The following ANO1 variants were observed in gnomAD, a reference collection of about 807,000 sequenced individuals.
The protein encoded by ANO1 is anoctamin-1.
A neutral mutation model predicts 124.0 loss-of-function variants in ANO1; 59 were observed. The ratio of observed to expected loss-of-function variants is 0.48; its 90% confidence interval spans 0.39 to 0.59. ANO1 has a LOEUF of 0.59. Among genes scored for constraint, ANO1 ranks in the 20% least tolerant of loss-of-function variants. The pLI, the probability that ANO1 is intolerant of heterozygous loss-of-function variation, is 0.00. For missense variants in ANO1, 1,059 were observed against 1,328.0 expected, an observed-to-expected ratio of 0.80 and a Z score of 3.15; for synonymous variants, 529 against 532.0, an observed-to-expected ratio of 0.99 and a Z score of 0.08.
intron 1 of ANO1, among the ~76,000 whole-genome samples, chr11:70,002,332 C>A (rs1856396961): frequency 6.6e-6 from 1 of 151,806 alleles, no homozygotes; most frequent in Admixed American, 6.6e-5. Flanking sequence ...GGCATGGTGG[C>A]ATGTGCCTGT....
intron 13 of ANO1, 45 bp from the exon 14 acceptor site, chr11:70,153,012 C>T (rs2047665288): frequency 1.3e-6 from 2 of 1,546,630 alleles, no homozygotes; most frequent in Non-Finnish European, 1.8e-6. Flanking sequence ...GGAGCTCAGA[C>T]TCAAAATTAA....
At chr11:70,134,797 T>C (rs1471506975) in intron 11 of ANO1, among the ~76,000 whole-genome samples, 2 of 152,188 alleles carry the variant, frequency 1.3e-5, no homozygotes, top group African/African-American at 4.8e-5. Flanking sequence ...AAACCTGATG[T>C]ATCCGCTGCT....
intron 21 of ANO1, among the ~76,000 whole-genome samples, chr11:70,167,661 TGGTCCCC>T (rs2048307768): frequency 2.5e-5 from 3 of 117,944 alleles, no homozygotes; most frequent in Non-Finnish European, 5.9e-5. Context: ...TCCCCAAGCA[TGGTCCCC>T]AGCCACAGTC....
At chr11:70,062,067 C>CTTT (rs1175846749) in intron 1 of ANO1, among the ~76,000 whole-genome samples, 14 of 62,286 alleles carry the variant, frequency 2.2e-4, no homozygotes, top group Non-Finnish European at 2.4e-4. Flanking sequence ...TTCCTTCTTT[C>CTTT]TTTTTTTTTT....
intron 1 of ANO1, among the ~76,000 whole-genome samples, chr11:70,026,977 A>T (rs1468458817): frequency 6.6e-6 from 1 of 152,128 alleles, no homozygotes; most frequent in African/African-American, 2.4e-5. Flanking sequence ...CCCTGTATCC[A>T]TGAAACTCAT....
chr11:70,121,533 G>A (rs1280813622), intron 8 of ANO1, among the ~76,000 whole-genome samples: 2 of 127,942 alleles, frequency 1.6e-5, no homozygotes, highest in Non-Finnish European at 3.2e-5. Flanking sequence ...ATCTGCCTCT[G>A]TCTCTGTCTC....
upstream of ANO1, among the ~76,000 whole-genome samples, chr11:70,073,705 C>G (rs1346775807): frequency 1.3e-5 from 2 of 152,150 alleles, no homozygotes; most frequent in African/African-American, 4.8e-5. Context: ...TCAGCTACCC[C>G]AGGTGAGCTT....
intron 1 of ANO1, among the ~76,000 whole-genome samples, chr11:70,024,883 G>T (rs1326884716): frequency 6.6e-6 from 1 of 152,270 alleles, no homozygotes; most frequent in East Asian, 1.9e-4. Context: ...CTATGAGCTT[G>T]TGAGACAGGG....
At position 70,126,197 on chromosome 11, in the gene ANO1, TAGGC is replaced by T. The variant is rs1342277270; in HGVS notation, c.1097+3_1097+6del. ...CACCATGGATGAAAACATCCCCAGG[TAGGC>T]GGCAGCCCACCCCCACCACCCCGCA... On this transcript the variant is annotated splice_donor_5th_base_variant and intron_variant, in intron 10 of 25. Transcript: ENST00000355303. The T allele has an allele frequency of 3.7e-6, 6 of 1,610,610 alleles. No homozygotes were observed. Among genetic ancestry groups the T allele is most frequent in the Non-Finnish European group, 5.1e-6 (6 of 1,178,612 alleles).
chr11:69,968,844 G>A, the ANO1 span, among the ~76,000 whole-genome samples: 10 of 152,332 alleles, frequency 6.6e-5, no homozygotes, highest in South Asian at 2.1e-4. Context: ...TACACAGCCC[G>A]CGGACTTTGG....
chr11:70,182,035 G>C (rs763794265), intron 23 of ANO1, among the ~76,000 whole-genome samples: 1 of 151,998 alleles, frequency 6.6e-6, no homozygotes, highest in African/African-American at 2.4e-5. Flanking sequence ...GCCAGAGCCG[G>C]TGCTATAATA....
At chr11:70,088,514 A>AG (rs1402178722) in intron 2 of ANO1, among the ~76,000 whole-genome samples, 4 of 82,430 alleles carry the variant, frequency 4.9e-5, no homozygotes, top group African/African-American at 1.8e-4. Context: ...CCTCAAAAAA[A>AG]AAAAAAAAAA....
chr11:70,093,905 C>T (rs2030256604), intron 2 of ANO1, among the ~76,000 whole-genome samples: 1 of 152,146 alleles, frequency 6.6e-6, no homozygotes, highest in Non-Finnish European at 1.5e-5. Flanking sequence ...CCTCTGAGAG[C>T]CCGGTATGCG....
At chr11:70,182,194 G>T (rs2048953521) in intron 23 of ANO1, among the ~76,000 whole-genome samples, 1 of 152,234 alleles carries the variant, frequency 6.6e-6, no homozygotes, top group Non-Finnish European at 1.5e-5. Flanking sequence ...GCACAGAGAG[G>T]TTGGGTGATT....
intron 5 of ANO1, among the ~76,000 whole-genome samples, chr11:70,107,310 G>A (rs190422446): frequency 6.6e-6 from 1 of 152,170 alleles, no homozygotes; most frequent in Non-Finnish European, 1.5e-5. Context: ...CACCGGGAGG[G>A]TGGTGGCCTC....
chr11:70,108,496 T>C, intron 6 of ANO1, 92 bp downstream of exon 6: 1 of 1,431,592 alleles, frequency 7.0e-7, no homozygotes, highest in Non-Finnish European at 9.8e-7. Context: ...GCAGCCGGCT[T>C]GGGGTGTTTA....
chr11:70,061,279 A>T (rs1435843140), intron 1 of ANO1, among the ~76,000 whole-genome samples: 2 of 152,100 alleles, frequency 1.3e-5, no homozygotes, highest in Non-Finnish European at 2.9e-5. Context: ...GAGGAAGATC[A>T]TCAAAATATT....
intron 1 of ANO1, among the ~76,000 whole-genome samples, chr11:70,003,444 G>A (rs1356231091): frequency 1.3e-5 from 2 of 152,178 alleles, no homozygotes; most frequent in Non-Finnish European, 2.9e-5. Flanking sequence ...TGTACCTCCT[G>A]TATGCAGGGC....
Position 70,161,746 on chromosome 11 carries a change from T to C in ANO1, c.1892+13T>C. ...TCTTCAAAGGCCGGTAGGGACATCT[T>C]CAGCCTTTCCCCAACCTCGCTTCTC... On this transcript the variant is annotated intron_variant, in intron 18 of 25. Transcript: ENST00000355303. The C allele has an allele frequency of 1.2e-6, 2 of 1,612,584 alleles. No individual in the cohort carries two copies. The highest frequency in any genetic ancestry group is 1.7e-6 in the Non-Finnish European group (2 of 1,178,602).
Sources: allele counts gnomAD v4.1 joint callset (sites outside exome capture counted in the v4.1 genomes callset), GRCh38; gene constraint gnomAD v4.1.1; transcripts MANE v1.5; gene names NCBI Gene and HGNC (gene_info 2026-07-23, HGNC 2026-07-21).